The following CDH1 variants were observed in gnomAD, a reference collection of about 807,000 sequenced individuals.
CDH1 encodes cadherin 1.
A neutral mutation model predicts 84.5 loss-of-function variants in CDH1; 35 were observed. The ratio of observed to expected loss-of-function variants is 0.41; its 90% CI spans 0.32 to 0.55. CDH1 has a LOEUF of 0.55. Among genes scored for constraint, CDH1 ranks in the 20% least tolerant of loss-of-function variants. CDH1 has a pLI of 0.19. For synonymous variants in CDH1, 417 were observed against 439.0 expected, an observed-to-expected ratio of 0.95 and a Z score of 0.63; for missense variants, 994 against 1,126.6, an observed-to-expected ratio of 0.88 and a Z score of 1.68.
chr16:68,744,132 C>G (rs1333646141), intron 2 of CDH1, among the ~76,000 whole-genome samples: 1 of 152,202 alleles, frequency 6.6e-6, no homozygotes, highest in African/African-American at 2.4e-5. Context: ...GAATAAATCG[C>G]TATCTTGGCC....
chr16:68,743,347 CTTTCTTTCTTTCTTT>C (rs1962628297), intron 2 of CDH1, among the ~76,000 whole-genome samples: 7 of 16,708 alleles, frequency 4.2e-4, no homozygotes, highest in African/African-American at 1.8e-3. Context: ...TTCTTTCTTT[CTTTCTTTCTTTCTTT>C]CTTTTCTTTT....
At chr16:68,817,977 A>T (rs1399350508) in intron 10 of CDH1, among the ~76,000 whole-genome samples, 1 of 152,140 alleles carries the variant, frequency 6.6e-6, no homozygotes, top group Non-Finnish European at 1.5e-5. Context: ...GGTGGCTCAC[A>T]CCTGCAATCC....
intron 3 of CDH1, among the ~76,000 whole-genome samples, 198 bp from the exon 4 acceptor site, chr16:68,808,226 G>A (rs1960719192): frequency 6.6e-6 from 1 of 152,136 alleles, no homozygotes; most frequent in Admixed American, 6.5e-5. Context: ...TATAGCAAAG[G>A]GTCTCATTGG....
chr16:68,776,907 C>G (rs556564086), intron 2 of CDH1, among the ~76,000 whole-genome samples: 1 of 152,174 alleles, frequency 6.6e-6, no homozygotes, highest in African/African-American at 2.4e-5. Context: ...AGAGAGGAAA[C>G]TAAGGCTTAG....
chr16:68,799,859 A>G (rs1474826757), intron 2 of CDH1, among the ~76,000 whole-genome samples: 1 of 151,948 alleles, frequency 6.6e-6, no homozygotes, highest in African/African-American at 2.4e-5. Flanking sequence ...CTAAAATTAC[A>G]TAAATTATTC....
chr16:68,801,970 G>A (rs1236518202), intron 3 of CDH1, 77 bp downstream of exon 3: 50 of 1,227,612 alleles, frequency 4.1e-5, no homozygotes, highest in East Asian at 1.9e-4. Context: ...CCTTGGTACC[G>A]TTGACATTTT....
At chr16:68,750,150 C>CTT (rs34551002) in intron 2 of CDH1, among the ~76,000 whole-genome samples, 5 of 79,160 alleles carry the variant, frequency 6.3e-5, no homozygotes, top group East Asian at 4.3e-4. Flanking sequence ...TAGAATTCAG[C>CTT]TTTTTTTTTT....
At chr16:68,757,799 TTTC>T (rs1470069142) in intron 2 of CDH1, among the ~76,000 whole-genome samples, 5 of 151,228 alleles carry the variant, frequency 3.3e-5, no homozygotes, top group African/African-American at 4.9e-5. Flanking sequence ...CCTTTCTTTC[TTTC>T]TTTTTTTTGA....
rs73559180 is a variant in CDH1 at position 68,782,864 on chromosome 16, C to T, written c.164-18806C>T. Among the ~76,000 whole-genome samples, 951 of 152,140 alleles carry T rather than the reference C, an allele frequency of 6.3e-3. 13 individuals are homozygous for T. Among genetic ancestry groups the T allele is most frequent in the African/African-American group, 0.022 (900 of 41,502 alleles). ...CCATGGGTCAGTGTTCCTCTTAGAG[C>T]ATGACTCTTGGAAAAAAAACAGCAC... On this transcript the variant is annotated intron_variant, in intron 2 of 15. Transcript: ENST00000261769.
intron 2 of CDH1, among the ~76,000 whole-genome samples, chr16:68,738,964 T>TTTTTTTTTTA (rs555202424): frequency 0.05 from 3,242 of 65,300 alleles, 1,171 homozygotes; most frequent in Middle Eastern, 0.13. Flanking sequence ...TTTTTTTTTT[T>TTTTTTTTTTA]AAAGACAGGG....
In CDH1 at chr16:68,737,405, C is replaced by T. The variant is rs1962421851; in HGVS notation, c.-11C>T. ...CCGGCGCCTGCCCTCGCTCGGCGTC[C>T]CCGGCCAGCCATGGGCCCTTGGAGC... is the stretch of plus-strand genomic sequence containing the variant. On this transcript the variant is annotated 5_prime_UTR_variant, in exon 1 of 16. Transcript: ENST00000261769. 1 of 1,530,954 alleles carries T rather than the reference C, an allele frequency of 6.5e-7. No individual in the cohort carries two copies. Among genetic ancestry groups the T allele is most frequent in the African/African-American group, 1.4e-5 (1 of 72,534 alleles). 94.8% of individuals were successfully genotyped at this position (1,530,954 alleles called of 1,614,324 possible). A position where few individuals can be genotyped will look rare whatever the true frequency, so the allele number is the denominator to read the frequency against.
chr16:68,787,036 C>A (rs762957723), intron 2 of CDH1, among the ~76,000 whole-genome samples: 2 of 152,202 alleles, frequency 1.3e-5, no homozygotes, highest in Non-Finnish European at 2.9e-5. Context: ...GTTCTGAATT[C>A]CACAACGGCT....
chr16:68,820,877 G>T (rs895980565), intron 11 of CDH1, among the ~76,000 whole-genome samples: 3 of 152,024 alleles, frequency 2.0e-5, no homozygotes, highest in Non-Finnish European at 4.4e-5. Flanking sequence ...ACTAGCCTGG[G>T]CAACATACTG....
rs2152126585 is a variant in CDH1 at position 68,801,668 on chromosome 16, A to G, written c.164-2A>G. 2 of 1,611,266 alleles carry G rather than the reference A, an allele frequency of 1.2e-6. No homozygotes were observed. Among genetic ancestry groups the G allele is most frequent in the East Asian group, 2.2e-5 (1 of 44,860 alleles). ...CTAATCTCTGTGATTTCTGCCCTGC[A>G]GTGAATTTTGAAGATTGCACCGGTC... On this transcript the variant is annotated splice_acceptor_variant, in intron 2 of 15. Transcript: ENST00000261769. LOFTEE classifies it high-confidence loss of function.
chr16:68,811,772 A>G lies in CDH1; in HGVS notation c.921A>G (p.Gln307=), dbSNP rs876660221. 3.1e-6 allele frequency: 5 copies of G among 1,614,150 alleles called. No homozygotes were observed. The highest frequency in any genetic ancestry group is 4.2e-6 in the Non-Finnish European group (5 of 1,180,020). ...CCATCGCTTACACCATCCTCAGCCA[A>G]GATCCTGAGCTCCCTGACAAAAATA... The part of the protein sequence containing the change: ...NAAIAYTILS[Q]DPELPDKNMF... The change falls in exon 7 of 16, where the codon CAA becomes CAG. Residue 307 remains glutamine, a synonymous_variant. Transcript: ENST00000261769.
intron 2 of CDH1, 50 bp from the exon 3 acceptor site, chr16:68,801,620 T>A (rs1442474337): frequency 2.7e-6 from 4 of 1,486,556 alleles, no homozygotes; most frequent in Non-Finnish European, 2.8e-6. Context: ...AGGAATGCTC[T>A]TGTCTTTAAT....
At chr16:68,828,448 T>G (rs1961388028) in intron 14 of CDH1, 144 bp downstream of exon 14, 2 of 748,034 alleles carry the variant, frequency 2.7e-6, no homozygotes, top group Non-Finnish European at 4.6e-6. Flanking sequence ...GTAGACATTG[T>G]CATTGACCAT....
At chr16:68,803,972 C>T (rs761906140) in intron 3 of CDH1, among the ~76,000 whole-genome samples, 1 of 151,942 alleles carries the variant, frequency 6.6e-6, no homozygotes, top group East Asian at 1.9e-4. Flanking sequence ...AAGGAGACCT[C>T]GTGATCCCAG....
chr16:68,833,650 C>G lies in CDH1; in HGVS notation c.*151C>G. 1.5e-6 allele frequency: 1 copy of G among 673,534 alleles called. No individual in the cohort carries two copies. Among genetic ancestry groups the G allele is most frequent in the South Asian group, 1.6e-5 (1 of 60,878 alleles). 41.7% of individuals were successfully genotyped at this position (673,534 alleles called of 1,614,324 possible). ...TGCAGTTAGTATAGCTTTATACTCT[C>G]TCCACTTTATAGCTCTAATAAGTTT... is the stretch of plus-strand genomic sequence containing the variant. On this transcript the variant is annotated 3_prime_UTR_variant, in exon 16 of 16. Transcript: ENST00000261769.
Sources: allele counts gnomAD v4.1 joint callset (sites outside exome capture counted in the v4.1 genomes callset), GRCh38; gene constraint gnomAD v4.1.1; transcripts MANE v1.5; gene names NCBI Gene and HGNC (gene_info 2026-07-23, HGNC 2026-07-21).